The following TAOK1 variants were observed in gnomAD, a reference collection of about 807,000 sequenced individuals.
TAOK1 encodes the protein serine/threonine-protein kinase TAO1.
Under a neutral mutation model 138.3 loss-of-function variants are expected in TAOK1, and 21 were observed. That is an observed-to-expected ratio of 0.15 (90% CI 0.11 to 0.22). The LOEUF (loss-of-function observed/expected upper bound fraction) is 0.22, where lower values mean the gene tolerates loss of function less well. Among genes scored for constraint, TAOK1 ranks in the 10% least tolerant of loss-of-function variants. The pLI is 1.00. For synonymous variants in TAOK1, 361 were observed against 398.4 expected, an observed-to-expected ratio of 0.91 and a Z score of 1.12; for missense variants, 651 against 1,227.7, an observed-to-expected ratio of 0.53 and a Z score of 7.02.
intron 1 of TAOK1, among the ~76,000 whole-genome samples, chr17:29,397,605 C>CG (rs1567706615): frequency 2.1e-4 from 10 of 48,362 alleles, no homozygotes; most frequent in African/African-American, 1.2e-3. Flanking sequence ...TCCGTCCCCC[C>CG]CCAAAAAAAT....
At chr17:29,542,422 A>T (rs962865324) in intron 19 of TAOK1, 139 bp from the exon 20 acceptor site, 11 of 696,806 alleles carry the variant, frequency 1.6e-5, no homozygotes, top group Non-Finnish European at 2.3e-5. Flanking sequence ...AAAGGGAAAA[A>T]GTTTAAATAA....
At chr17:29,510,816 A>G (rs751785324) in intron 14 of TAOK1, 48 bp from the exon 15 acceptor site, 2 of 1,400,382 alleles carry the variant, frequency 1.4e-6, no homozygotes, top group Non-Finnish European at 1.9e-6. Context: ...TTAAACCACT[A>G]CTTTATCTAC....
chr17:29,526,874 A>G (rs1415573166), intron 17 of TAOK1, among the ~76,000 whole-genome samples: 3 of 149,582 alleles, frequency 2.0e-5, no homozygotes, highest in South Asian at 4.2e-4. Context: ...CACGGCTGCA[A>G]TCCCAGCACT....
chr17:29,423,740 T>A (rs1424432485), intron 1 of TAOK1, among the ~76,000 whole-genome samples: 1 of 127,408 alleles, frequency 7.8e-6, no homozygotes, highest in Non-Finnish European at 1.6e-5. Flanking sequence ...TGAATTTAAT[T>A]CTTTATTTAT....
intron 1 of TAOK1, among the ~76,000 whole-genome samples, chr17:29,415,063 A>G (rs1224371785): frequency 4.7e-5 from 7 of 150,160 alleles, no homozygotes; most frequent in African/African-American, 1.5e-4. Flanking sequence ...TCCGCCTCCC[A>G]GGTTCAAGCG....
intron 1 of TAOK1, among the ~76,000 whole-genome samples, chr17:29,411,893 TCTGA>T (rs1905153219): frequency 6.6e-6 from 1 of 152,136 alleles, no homozygotes; most frequent in East Asian, 1.9e-4. Flanking sequence ...CCATATCTGT[TCTGA>T]CTCTTTACCA....
Position 29,530,472 on chromosome 17 carries a change from A to C in TAOK1, c.2214A>C (p.Lys738Asn). 6.2e-7 allele frequency: 1 copy of C among 1,614,140 alleles called. No individual in the cohort carries two copies. Among genetic ancestry groups the C allele is most frequent in the Non-Finnish European group, 8.5e-7 (1 of 1,180,040 alleles). ...DTCKIQTRQY[K>N]ALRNHLLETT... is the part of the protein sequence containing the mutation. ...GCAAAATCCAAACCAGACAGTACAA[A>C]GCATTAAGAAATCACCTGCTGGAGA... Residue 738 changes from lysine to asparagine, a missense_variant, in exon 18 of 20, where the codon AAA (lysine) becomes AAC (asparagine). Around this residue, in one of 8 missense-constraint regions of TAOK1, gnomAD observed 258 missense variants for 548.9 expected, o/e 0.47. Coordinates refer to ENST00000261716, the MANE Select transcript of TAOK1 (RefSeq NM_020791.4).
intron 1 of TAOK1, among the ~76,000 whole-genome samples, chr17:29,405,023 A>C (rs1426812892): frequency 3.3e-5 from 5 of 152,186 alleles, no homozygotes; most frequent in African/African-American, 1.2e-4. Flanking sequence ...CTTGTTGCCC[A>C]GGCTGGAGCG....
At chr17:29,480,316 ACAT>A in intron 6 of TAOK1, 49 bp from the exon 7 acceptor site, 2 of 1,327,594 alleles carry the variant, frequency 1.5e-6, no homozygotes, top group Non-Finnish European at 1.1e-6. Flanking sequence ...ATCGTTTTAA[ACAT>A]AATCTATTGA....
At chr17:29,529,827 A>G (rs60559267) in intron 17 of TAOK1, among the ~76,000 whole-genome samples, 5,500 of 151,218 alleles carry the variant, frequency 0.036, 310 homozygotes, top group African/African-American at 0.13. Context: ...AGATTGCGCC[A>G]TTGGACTCCA....
In TAOK1 at chr17:29,543,075, C is replaced by T; in HGVS notation, c.*53C>T. The T allele has an allele frequency of 4.2e-6, 6 of 1,444,826 alleles. No individual in the cohort carries two copies. The highest frequency in any genetic ancestry group is 5.6e-6 in the Non-Finnish European group (6 of 1,074,836). The allele number at this position is 1,444,826 out of a possible 1,614,324, so 89.5% of individuals were successfully genotyped here. ...TGGAGCTGTCTGCCAAAAGAAACTG[C>T]CTACAGACATCATCACAGCAGCCTC... is the stretch of plus-strand genomic sequence containing the variant. On this transcript the variant is annotated 3_prime_UTR_variant, in exon 20 of 20. Coordinates refer to ENST00000261716, the MANE Select transcript of TAOK1 (RefSeq NM_020791.4).
At chr17:29,419,604 A>G (rs1206757681) in intron 1 of TAOK1, among the ~76,000 whole-genome samples, 2 of 148,260 alleles carry the variant, frequency 1.3e-5, no homozygotes, top group African/African-American at 5.0e-5. Context: ...GCGATTCTCC[A>G]CCTCAACCTC....
At chr17:29,541,171 G>A (rs2032309031) in intron 19 of TAOK1, among the ~76,000 whole-genome samples, 2 of 152,008 alleles carry the variant, frequency 1.3e-5, no homozygotes, top group Middle Eastern at 3.4e-3. Context: ...GTGCAGTGGT[G>A]TGATCTCTGC....
chr17:29,466,519 C>G (rs1030557103), intron 2 of TAOK1, among the ~76,000 whole-genome samples: 2 of 152,146 alleles, frequency 1.3e-5, no homozygotes, highest in Admixed American at 1.3e-4. Flanking sequence ...TTAGAGTTTT[C>G]CCATCTATAT....
At chr17:29,472,529 A>G (rs1384799425) in intron 3 of TAOK1, among the ~76,000 whole-genome samples, 1 of 150,052 alleles carries the variant, frequency 6.7e-6, no homozygotes, top group Non-Finnish European at 1.5e-5. Flanking sequence ...TTGGGATTAC[A>G]GGCGTGAACC....
At chr17:29,488,583 AAT>A (rs1242268913) in intron 8 of TAOK1, among the ~76,000 whole-genome samples, 1 of 136,202 alleles carries the variant, frequency 7.3e-6, no homozygotes, top group African/African-American at 3.3e-5. Context: ...AAAAAATAAT[AAT>A]AATAATAATA....
intron 2 of TAOK1, among the ~76,000 whole-genome samples, chr17:29,464,839 T>C (rs2153025413): frequency 6.6e-6 from 1 of 151,428 alleles, no homozygotes; most frequent in South Asian, 2.1e-4. Context: ...TTTTTTTTTT[T>C]TTTGATACAG....
At chr17:29,528,905 G>C (rs1465503088) in intron 17 of TAOK1, among the ~76,000 whole-genome samples, 1 of 144,332 alleles carries the variant, frequency 6.9e-6, no homozygotes, top group Non-Finnish European at 1.5e-5. Flanking sequence ...CAGAATAAAT[G>C]TGCTTTATTT....
chr17:29,454,136 TG>T (rs2030315353), intron 2 of TAOK1, among the ~76,000 whole-genome samples: 1 of 152,166 alleles, frequency 6.6e-6, no homozygotes, highest in African/African-American at 2.4e-5. Context: ...TTCTTTTGTG[TG>T]GGTAAATCTA....
Sources: gnomAD v4.1 joint callset for allele counts (sites outside exome capture counted in the v4.1 genomes callset) on GRCh38, gnomAD v4.1.1 for gene constraint, gnomAD v4.1.1 regional missense constraint, MANE v1.5 for transcripts, NCBI Gene and HGNC (gene_info 2026-07-23, HGNC 2026-07-21) for gene names.